Variants in SLC44A5 observed in about 807,000 individuals in gnomAD.
SLC44A5 encodes solute carrier family 44 member 5, also known as choline transporter-like protein 5.
Under a neutral mutation model 101.8 loss-of-function variants are expected in SLC44A5, and 57 were observed. The ratio of observed to expected loss-of-function variants is 0.56; its 90% CI spans 0.45 to 0.70. SLC44A5 has a LOEUF of 0.70. Among genes scored for constraint, SLC44A5 ranks in the 30% least tolerant of loss-of-function variants. The pLI is 0.00. For missense variants in SLC44A5, 737 were observed against 853.1 expected (o/e 0.86, Z 1.70); for synonymous variants, 281 against 290.9 (o/e 0.97, Z 0.35).
At chr1:75,241,156 A>G (rs1488911624) in intron 9 of SLC44A5, among the ~76,000 whole-genome samples, 1 of 151,544 alleles carries the variant, frequency 6.6e-6, no homozygotes, top group Admixed American at 6.6e-5. Flanking sequence ...TTTTAATGTA[A>G]AGCTTTTTTT....
At chr1:75,692,183 T>A in the SLC44A5 span, among the ~76,000 whole-genome samples, 1 of 132,982 alleles carries the variant, frequency 7.5e-6, no homozygotes, top group South Asian at 2.3e-4. Context: ...AAAGATGGGA[T>A]TCTTTTTTTT....
intron 3 of SLC44A5, among the ~76,000 whole-genome samples, chr1:75,391,302 T>C (rs1157495306): frequency 6.6e-6 from 1 of 152,098 alleles, no homozygotes; most frequent in Non-Finnish European, 1.5e-5. Flanking sequence ...AGATTCAACA[T>C]TATGCCTATC....
chr1:75,259,626 A>G (rs12073475), intron 6 of SLC44A5, among the ~76,000 whole-genome samples: 1,811 of 152,294 alleles, frequency 0.012, 40 homozygotes, highest in African/African-American at 0.041. Context: ...AGCCAGGAGA[A>G]CTTCCCCAGT....
chr1:75,467,948 A>G (rs1666911780), intron 2 of SLC44A5, among the ~76,000 whole-genome samples: 1 of 152,142 alleles, frequency 6.6e-6, no homozygotes, highest in African/African-American at 2.4e-5. Flanking sequence ...GAGATTCATA[A>G]CCAGAATACA....
chr1:75,476,517 C>A (rs893218357), intron 2 of SLC44A5, among the ~76,000 whole-genome samples: 2 of 152,168 alleles, frequency 1.3e-5, no homozygotes, highest in Non-Finnish European at 2.9e-5. Flanking sequence ...GGGTGACAGA[C>A]GGCACCTGGA....
At chr1:75,479,077 A>G (rs540315236) in intron 2 of SLC44A5, among the ~76,000 whole-genome samples, 84 of 152,360 alleles carry the variant, frequency 5.5e-4, no homozygotes, top group Middle Eastern at 6.8e-3. Context: ...CAATCAAACT[A>G]GAACTCAGGA....
At chr1:75,437,655 C>T (rs1224324528) in intron 2 of SLC44A5, among the ~76,000 whole-genome samples, 2 of 151,988 alleles carry the variant, frequency 1.3e-5, no homozygotes. Flanking sequence ...GAAGAAGGGC[C>T]TATGGGGCAT....
In SLC44A5 at chr1:75,432,477, G is replaced by A. The variant is rs1193042966; in HGVS notation, c.14-35856C>T. On this transcript the variant is annotated intron_variant, in intron 2 of 23. Coordinates refer to ENST00000370859, the MANE Select transcript of SLC44A5 (RefSeq NM_001130058.2). ...AATAGTTTCTTCAGCTCTCAAAAAT[G>A]TTTAAATATTATGTGTATCATTATA... is the stretch of plus-strand genomic sequence containing the variant. 3.3e-5 allele frequency among the ~76,000 whole-genome samples: 5 copies of A among 152,090 alleles called. No homozygotes were observed. In the South Asian group the frequency reaches 1.0e-3, roughly 31 times the overall value.
intron 9 of SLC44A5, among the ~76,000 whole-genome samples, chr1:75,239,685 G>A (rs1376414044): frequency 6.6e-6 from 1 of 151,910 alleles, no homozygotes; most frequent in African/African-American, 2.4e-5. Context: ...TACACCCTCA[G>A]TTTAATCAGA....
chr1:75,706,027 A>C, the SLC44A5 span, among the ~76,000 whole-genome samples: 1 of 152,228 alleles, frequency 6.6e-6, no homozygotes, highest in East Asian at 1.9e-4. Context: ...CTGCTACATT[A>C]ATAGCGGGAT....
chr1:75,293,091 AGAG>A (rs1329704455), intron 5 of SLC44A5, among the ~76,000 whole-genome samples: 2 of 152,364 alleles, frequency 1.3e-5, no homozygotes, highest in African/African-American at 4.8e-5. Context: ...GAAAGAGAAG[AGAG>A]AAGAGAAATT....
chr1:75,524,236 T>G (rs1421102182), intron 2 of SLC44A5, among the ~76,000 whole-genome samples: 4 of 152,198 alleles, frequency 2.6e-5, no homozygotes, highest in African/African-American at 9.7e-5. Flanking sequence ...CATGTGAAGA[T>G]GTGCTTGCTT....
the SLC44A5 span, among the ~76,000 whole-genome samples, chr1:75,702,889 G>A: frequency 1.3e-5 from 2 of 152,144 alleles, no homozygotes; most frequent in Non-Finnish European, 2.9e-5. Context: ...CATTTATGCA[G>A]CCAAAAGACA....
chr1:75,557,193 T>C (rs1672265237), intron 1 of SLC44A5, among the ~76,000 whole-genome samples: 1 of 152,134 alleles, frequency 6.6e-6, no homozygotes, highest in Non-Finnish European at 1.5e-5. Flanking sequence ...CCTGTGCTAT[T>C]AACCATAATG....
At chr1:75,289,471 A>G (rs1653353857) in intron 5 of SLC44A5, among the ~76,000 whole-genome samples, 1 of 152,196 alleles carries the variant, frequency 6.6e-6, no homozygotes, top group African/African-American at 2.4e-5. Context: ...TGGTCCATCA[A>G]GCCTAGAGGT....
intron 2 of SLC44A5, among the ~76,000 whole-genome samples, chr1:75,498,544 T>G (rs1668788997): frequency 1.3e-5 from 2 of 152,208 alleles, no homozygotes; most frequent in Admixed American, 1.3e-4. Flanking sequence ...TTTTTAGATT[T>G]GATTATAACA....
chr1:75,681,437 G>A, the SLC44A5 span, among the ~76,000 whole-genome samples: 17 of 151,472 alleles, frequency 1.1e-4, no homozygotes, highest in African/African-American at 3.9e-4. Context: ...TCCCTGGGAT[G>A]CAAGGCTGGT....
At chr1:75,665,610 T>C in the SLC44A5 span, among the ~76,000 whole-genome samples, 1 of 152,122 alleles carries the variant, frequency 6.6e-6, no homozygotes, top group African/African-American at 2.4e-5. Context: ...AAGCAGAGCC[T>C]AATTAAAAGA....
In SLC44A5 at chr1:75,408,743, G is replaced by C. The variant is rs989869710; in HGVS notation, c.14-12122C>G. ...GGCTAGGGGAGGGATAGCATTAGGA[G>C]AAATACCTAATGTAGATGATGGGTT... On this transcript the variant is annotated intron_variant, in intron 2 of 23. Coordinates refer to ENST00000370859, the MANE Select transcript of SLC44A5 (RefSeq NM_001130058.2). 7.5e-4 allele frequency among the ~76,000 whole-genome samples: 114 copies of C among 152,194 alleles called. 1 individual carries two copies. Among genetic ancestry groups the C allele is most frequent in the African/African-American group, 2.7e-3 (111 of 41,520 alleles).
Sources: allele counts gnomAD v4.1 joint callset (sites outside exome capture counted in the v4.1 genomes callset), GRCh38; gene constraint gnomAD v4.1.1; transcripts MANE v1.5; gene names NCBI Gene and HGNC (gene_info 2026-07-23, HGNC 2026-07-21).